The following NOP58 variants were observed in gnomAD, a reference collection of about 807,000 sequenced individuals.
NOP58 encodes the protein NOP58 ribonucleoprotein, also known as nucleolar protein 58.
Under a neutral mutation model 71.2 loss-of-function variants are expected in NOP58, and 44 were observed. The observed-to-expected ratio is 0.62, with a 90% CI of 0.49 to 0.79. NOP58 has a LOEUF of 0.79. Ranked by LOEUF, NOP58 falls within the 30% of genes least tolerant of loss-of-function variation. NOP58 has a pLI of 0.00. For missense variants in NOP58, 538 were observed against 620.2 expected, an observed-to-expected ratio of 0.87 and a Z score of 1.41; for synonymous variants, 228 against 200.3, an observed-to-expected ratio of 1.14 and a Z score of -1.17.
chr2:202,268,535 C>CAAAAA (rs879259794), intron 1 of NOP58, among the ~76,000 whole-genome samples: 1 of 139,278 alleles, frequency 7.2e-6, no homozygotes. Flanking sequence ...AACTCCGTCT[C>CAAAAA]AAAAAAAAAA....
chr2:202,279,477 ACCTAGCTTCTTTG>A lies in NOP58; in HGVS notation c.175+1476_175+1488del, dbSNP rs1358747856. On this transcript the variant is annotated intron_variant, in intron 3 of 14. Transcript: ENST00000264279. ...TTAAGCAGTATTTCCAGATTCATTT[ACCTAGCTTCTTTG>A]TATTATTTAAAATAATGTACAATAA... 6.6e-5 allele frequency among the ~76,000 whole-genome samples: 10 copies of A among 152,180 alleles called. No individual in the cohort carries two copies. In the East Asian group the frequency reaches 1.9e-3, roughly 29 times the overall value.
In NOP58 at chr2:202,280,011, G is replaced by C. The variant is rs577040358; in HGVS notation, c.175+2009G>C. Among the ~76,000 whole-genome samples, 93 of 152,316 alleles carry C rather than the reference G, an allele frequency of 6.1e-4. 1 individual carries two copies. The highest frequency in any genetic ancestry group is 2.0e-3 in the African/African-American group (85 of 41,578). Reference sequence around the variant, plus strand: ...AATAGTGAATTTTATCAGGAATGCTGTCATAGAAACATTTACAATGCCTTT... The same window carrying C: ...AATAGTGAATTTTATCAGGAATGCTCTCATAGAAACATTTACAATGCCTTT... On this transcript the variant is annotated intron_variant, in intron 3 of 14. Coordinates refer to ENST00000264279, the MANE Select transcript of NOP58 (RefSeq NM_015934.5).
rs1688978722 is a variant in NOP58 at position 202,295,836 on chromosome 2, A to C, written c.1070A>C (p.Lys357Thr). 1 of 1,570,972 alleles carries C rather than the reference A, an allele frequency of 6.4e-7. No individual in the cohort carries two copies. The change falls in exon 10 of 15, where the codon AAG (lysine) becomes ACG (threonine). Residue 357 changes from lysine (K) to threonine (T), a missense_variant and splice_region_variant. By Grantham distance (78) the Lys-to-Thr change is moderately conservative. Transcript: ENST00000264279. ...VGQTSPKHKG[K>T]ISRMLAAKTV... ...CAGACAAGTCCCAAACACAAAGGAA[A>C]GGTGTGTTATAGGGTTTTGCTTTGT...
At chr2:202,293,276 GA>G (rs61054070) in intron 9 of NOP58, 569 of 293,578 alleles carry the variant, frequency 1.9e-3, no homozygotes, top group East Asian at 4.5e-3. Context: ...TGTAGAGAAA[GA>G]AAAAAAAAAG....
intron 13 of NOP58, among the ~76,000 whole-genome samples, chr2:202,300,819 C>T (rs1339432054): frequency 6.6e-6 from 1 of 152,126 alleles, no homozygotes; most frequent in African/African-American, 2.4e-5. Context: ...AACAGGTGCT[C>T]ACCAGTTAAC....
Position 202,297,405 on chromosome 2 carries a change from C to T in NOP58, c.1098C>T (p.Thr366=), listed in dbSNP as rs773830845. ...GKISRMLAAK[T]VLAIRYDAFG... is the part of the protein sequence containing the mutation. ...TTTCTCGAATGCTGGCAGCCAAAAC[C>T]GTTTTGGCTATCCGTTATGATGCTT... The change falls in exon 11 of 15, where the codon ACC becomes ACT. Residue 366 remains threonine (T), a synonymous_variant. Coordinates refer to ENST00000264279, the MANE Select transcript of NOP58 (RefSeq NM_015934.5). The T allele has an allele frequency of 5.6e-6, 9 of 1,613,256 alleles. No individual in the cohort carries two copies. The highest frequency in any genetic ancestry group is 4.0e-5 in the African/African-American group (3 of 74,892).
At chr2:202,281,262 G>T (rs1688698312) in intron 3 of NOP58, among the ~76,000 whole-genome samples, 1 of 151,668 alleles carries the variant, frequency 6.6e-6, no homozygotes, top group African/African-American at 2.4e-5. Flanking sequence ...GAGTAGCTAG[G>T]ATTACAGGCG....
Position 202,292,869 on chromosome 2 carries a change from G to A in NOP58, c.873G>A (p.Gly291=). The A allele has an allele frequency of 1.2e-6, 2 of 1,614,076 alleles. No homozygotes were observed. The highest frequency in any genetic ancestry group is 1.7e-6 in the Non-Finnish European group (2 of 1,179,940). Residue 291 remains glycine, a synonymous_variant, in exon 9 of 15, where the codon GGG becomes GGA. Transcript: ENST00000264279. ...CACCCAATGTTACAGTCATGGTTGG[G>A]GAATTAGTTGGAGCACGGCTTATTG... The part of the protein sequence containing the change: ...AIAPNVTVMV[G]ELVGARLIAH...
intron 1 of NOP58, among the ~76,000 whole-genome samples, 153 bp from the exon 2 acceptor site, chr2:202,274,960 A>AT (rs1181521568): frequency 6.6e-6 from 1 of 152,096 alleles, no homozygotes; most frequent in Non-Finnish European, 1.5e-5. Context: ...TTTGACCAAA[A>AT]TTACATGCAG....
intron 2 of NOP58, among the ~76,000 whole-genome samples, chr2:202,277,670 CAG>C (rs946731682): frequency 3.3e-5 from 5 of 152,136 alleles, no homozygotes; most frequent in Admixed American, 2.6e-4. Context: ...CTTTATGCAA[CAG>C]GGGTTTGTAT....
Position 202,297,909 on chromosome 2 carries a change from G to C in NOP58, c.1268+3G>C, listed in dbSNP as rs769643932. The C allele has an allele frequency of 2.3e-5, 36 of 1,565,562 alleles. No individual in the cohort carries two copies. The highest frequency in any genetic ancestry group is 3.1e-5 in the Non-Finnish European group (36 of 1,151,428). ...ACAGAAAAATATGAACACAAAAGGT[G>C]AGTACATTTAAGTGAGGATGGGGTG... On this transcript the variant is annotated splice_donor_region_variant and intron_variant, in intron 12 of 14. Transcript: ENST00000264279.
chr2:202,289,980 A>C (rs1688858695), intron 6 of NOP58, among the ~76,000 whole-genome samples: 1 of 151,982 alleles, frequency 6.6e-6, no homozygotes, highest in South Asian at 2.1e-4. Flanking sequence ...TTTGCGACGG[A>C]ATCTTGCTCT....
At chr2:202,269,749 GAA>G (rs976688023) in intron 1 of NOP58, among the ~76,000 whole-genome samples, 1 of 150,680 alleles carries the variant, frequency 6.6e-6, no homozygotes, top group East Asian at 1.9e-4. Context: ...TCAAAAAAAA[GAA>G]AAAAAGAAAA....
intron 10 of NOP58, among the ~76,000 whole-genome samples, chr2:202,297,012 C>T (rs1303110296): frequency 2.0e-5 from 3 of 152,172 alleles, no homozygotes; most frequent in East Asian, 1.9e-4. Context: ...GGATTACAGG[C>T]GTGAGCCACC....
chr2:202,291,360 T>C (rs1472056149), intron 8 of NOP58, 90 bp downstream of exon 8: 2 of 955,912 alleles, frequency 2.1e-6, no homozygotes, highest in Middle Eastern at 2.2e-4. Flanking sequence ...TTACACTTAT[T>C]GTTGTTCACC....
intron 3 of NOP58, chr2:202,278,269 G>A (rs1574379161): frequency 1.8e-6 from 1 of 567,094 alleles, no homozygotes. Context: ...ATCTCCCTGT[G>A]GAAACCAGCA....
In NOP58 at chr2:202,282,357, C is replaced by T; in HGVS notation, c.182C>T (p.Thr61Ile). The T allele has an allele frequency of 3.1e-6, 5 of 1,604,832 alleles. No homozygotes were observed. Among genetic ancestry groups the T allele is most frequent in the African/African-American group, 1.3e-5 (1 of 74,354 alleles). Reference sequence around the variant, plus strand: ...TTTTCTTTTTCTTGAAAAGCATTCACAGCTCTGATGGAGGGCAAAATCAAT... The same window carrying T: ...TTTTCTTTTTCTTGAAAAGCATTCATAGCTCTGATGGAGGGCAAAATCAAT... ...QDTAEALAAFTALMEGKINKQ... is the reference protein window; with the variant it reads ...QDTAEALAAFIALMEGKINKQ... The change falls in exon 4 of 15, where the codon ACA becomes ATA. Residue 61 changes from threonine (T) to isoleucine (I), a missense_variant. Coordinates refer to ENST00000264279, the MANE Select transcript of NOP58 (RefSeq NM_015934.5).
At chr2:202,291,079 T>C in intron 7 of NOP58, 46 bp from the exon 8 acceptor site, 1 of 1,487,588 alleles carries the variant, frequency 6.7e-7, no homozygotes, top group Non-Finnish European at 9.0e-7. Context: ...TTTTATATAA[T>C]TTGTTGAAGA....
At chr2:202,299,747 A>G (rs1332086221) in intron 12 of NOP58, 1 of 152,144 alleles carries the variant, frequency 6.6e-6, no homozygotes, top group Non-Finnish European at 1.5e-5. Flanking sequence ...GTTCTATGGA[A>G]TCTTTTCCAT....
Sources: allele counts gnomAD v4.1 joint callset (sites outside exome capture counted in the v4.1 genomes callset), GRCh38; gene constraint gnomAD v4.1.1; transcripts MANE v1.5; gene names NCBI Gene and HGNC (gene_info 2026-07-23, HGNC 2026-07-21).